ADAM22: variants seen among roughly 807,000 people sequenced by gnomAD.
The protein encoded by ADAM22 is disintegrin and metalloproteinase domain-containing protein 22.
ADAM22 carries 65 observed loss-of-function variants against 144.6 expected under a neutral mutation model. That is an observed-to-expected ratio of 0.45 (90% CI 0.37 to 0.55). The LOEUF is 0.55. Ranked by LOEUF, ADAM22 falls within the 20% of genes least tolerant of loss-of-function variation. ADAM22 has a pLI of 0.00. For missense variants in ADAM22, 974 were observed against 1,184.9 expected (o/e 0.82, Z 2.61); for synonymous variants, 391 against 412.6 (o/e 0.95, Z 0.63).
chr7:88,003,873 T>A lies in ADAM22; in HGVS notation c.323+25461T>A, dbSNP rs553078580. ...AGACGAACATATGGAACCAGGGAAA[T>A]TGCCCTTGCTCTACCGAGTCTCAAG... is the stretch of plus-strand genomic sequence containing the variant. On this transcript the variant is annotated intron_variant, in intron 3 of 31. Transcript: ENST00000413139. 4.6e-5 allele frequency among the ~76,000 whole-genome samples: 7 copies of A among 152,254 alleles called. No individual in the cohort carries two copies. In the South Asian group the frequency reaches 1.5e-3, roughly 32 times the overall value.
chr7:87,988,888 A>G (rs1447970844), intron 3 of ADAM22, among the ~76,000 whole-genome samples: 1 of 151,974 alleles, frequency 6.6e-6, no homozygotes, highest in East Asian at 1.9e-4. Context: ...TAGTCTGGAG[A>G]AGTAGCTTTT....
At chr7:88,148,481 A>T (rs541504163) in intron 17 of ADAM22, among the ~76,000 whole-genome samples, 1 of 152,290 alleles carries the variant, frequency 6.6e-6, no homozygotes, top group East Asian at 1.9e-4. Context: ...ATAATAAAAG[A>T]CCAAGATCTA....
chr7:88,158,458 A>C (rs1378250700), intron 22 of ADAM22, among the ~76,000 whole-genome samples: 1 of 152,120 alleles, frequency 6.6e-6, no homozygotes, highest in African/African-American at 2.4e-5. Flanking sequence ...ATATTCTTCT[A>C]ATCATCACAT....
intron 20 of ADAM22, among the ~76,000 whole-genome samples, 181 bp downstream of exon 20, chr7:88,151,501 C>T (rs534645470): frequency 3.7e-4 from 56 of 152,278 alleles, no homozygotes; most frequent in South Asian, 1.5e-3. Flanking sequence ...TGAGAAGCAG[C>T]CCCACACATC....
At chr7:88,054,448 C>T (rs1279159135) in intron 3 of ADAM22, among the ~76,000 whole-genome samples, 2 of 152,122 alleles carry the variant, frequency 1.3e-5, no homozygotes, top group African/African-American at 2.4e-5. Flanking sequence ...GCCTGTTCCA[C>T]CACAGCTCCC....
chr7:88,185,113 G>A (rs1645974139), intron 29 of ADAM22, among the ~76,000 whole-genome samples: 1 of 152,090 alleles, frequency 6.6e-6, no homozygotes, highest in Admixed American at 6.6e-5. Flanking sequence ...TCTTTTTGTT[G>A]AGAGTCTCAG....
At chr7:88,079,296 T>C (rs1815724614) in intron 4 of ADAM22, among the ~76,000 whole-genome samples, 1 of 152,144 alleles carries the variant, frequency 6.6e-6, no homozygotes, top group African/African-American at 2.4e-5. Context: ...AAGCAACTGC[T>C]GAGAGATTTT....
At chr7:88,004,465 G>A (rs776855855) in intron 3 of ADAM22, among the ~76,000 whole-genome samples, 4 of 152,180 alleles carry the variant, frequency 2.6e-5, no homozygotes, top group Non-Finnish European at 5.9e-5. Context: ...CTAAGTTAAA[G>A]AAGTCTCACA....
intron 4 of ADAM22, among the ~76,000 whole-genome samples, chr7:88,107,589 T>C (rs2129487631): frequency 6.6e-6 from 1 of 152,222 alleles, no homozygotes. Flanking sequence ...TCTTTTTTTG[T>C]CATTTTTTCT....
intron 29 of ADAM22, among the ~76,000 whole-genome samples, chr7:88,184,050 G>A (rs1847741738): frequency 6.6e-6 from 1 of 151,812 alleles, no homozygotes; most frequent in African/African-American, 2.4e-5. Context: ...TCATATAAGA[G>A]GTGTTTCAGG....
chr7:88,187,981 C>A lies in ADAM22; in HGVS notation c.2750+1280C>A, dbSNP rs539437640. ...ACACTTTCCCACACTGAACCTCATA[C>A]ACATACACTCACATTCAAACATCCC... On this transcript the variant is annotated intron_variant, in intron 30 of 31. Transcript: ENST00000413139. Among the ~76,000 whole-genome samples, 7 of 151,932 alleles carry A rather than the reference C, an allele frequency of 4.6e-5. 1 individual carries two copies. The South Asian group carries it at 1.4e-3, about 31-fold the overall frequency.
chr7:88,034,241 C>G (rs980369367), intron 3 of ADAM22, among the ~76,000 whole-genome samples: 1 of 152,118 alleles, frequency 6.6e-6, no homozygotes, highest in Non-Finnish European at 1.5e-5. Flanking sequence ...CCCAAAGGCT[C>G]TATATTTAGC....
At chr7:88,131,486 G>A (rs1831760912) in intron 11 of ADAM22, 51 bp downstream of exon 11, 1 of 1,556,336 alleles carries the variant, frequency 6.4e-7, no homozygotes, top group Non-Finnish European at 8.8e-7. Context: ...CATGTTAAAT[G>A]CTTTATTGTG....
intron 27 of ADAM22, among the ~76,000 whole-genome samples, chr7:88,179,369 G>A: frequency 6.6e-6 from 1 of 151,908 alleles, no homozygotes; most frequent in East Asian, 1.9e-4. Flanking sequence ...TAAATGGTGA[G>A]CTTTATGTCA....
At chr7:88,031,498 G>T (rs1038572371) in intron 3 of ADAM22, among the ~76,000 whole-genome samples, 1 of 152,246 alleles carries the variant, frequency 6.6e-6, no homozygotes, top group African/African-American at 2.4e-5. Context: ...GCAGAGACTG[G>T]TGGCACTATG....
At chr7:88,183,491 T>G (rs1847593201) in intron 29 of ADAM22, among the ~76,000 whole-genome samples, 4 of 152,188 alleles carry the variant, frequency 2.6e-5, no homozygotes, top group Admixed American at 2.6e-4. Context: ...CATTTGGTGT[T>G]TAACAATATT....
intron 3 of ADAM22, among the ~76,000 whole-genome samples, chr7:87,994,920 C>A (rs1283629370): frequency 6.6e-6 from 1 of 152,086 alleles, no homozygotes; most frequent in Non-Finnish European, 1.5e-5. Flanking sequence ...CTCCGCCTCC[C>A]GGGTTCACGC....
chr7:88,156,133 G>A (rs1357733430), intron 22 of ADAM22, 127 bp downstream of exon 22: 10 of 967,384 alleles, frequency 1.0e-5, no homozygotes, highest in Admixed American at 2.7e-5. Context: ...CTATAGAGAC[G>A]ATTGAGTAAA....
intron 2 of ADAM22, among the ~76,000 whole-genome samples, chr7:87,950,203 A>T (rs1384339812): frequency 6.6e-6 from 1 of 151,730 alleles, no homozygotes; most frequent in African/African-American, 2.4e-5. Flanking sequence ...TTAGTTACAT[A>T]TGTATACATG....
Sources: gnomAD v4.1 joint callset for allele counts (sites outside exome capture counted in the v4.1 genomes callset) on GRCh38, gnomAD v4.1.1 for gene constraint, MANE v1.5 for transcripts, NCBI Gene and HGNC (gene_info 2026-07-23, HGNC 2026-07-21) for gene names.